Variants in TMEM74 observed in about 807,000 individuals in gnomAD.
TMEM74 encodes transmembrane protein 74.
TMEM74 carries 13 observed loss-of-function variants against 18.1 expected under a neutral mutation model. That is an observed-to-expected ratio of 0.72 (90% CI 0.47 to 1.14). The LOEUF (loss-of-function observed/expected upper bound fraction) is 1.14. TMEM74 is among the 50% of genes most tolerant of loss of function. The pLI is 0.00. For synonymous variants in TMEM74, 159 were observed against 146.6 expected (o/e 1.08, Z -0.61); for missense variants, 372 against 375.9 (o/e 0.99, Z 0.09).
At chr8:108,732,628 A>G (rs1813707671) in intron 1 of TMEM74, among the ~76,000 whole-genome samples, 1 of 152,124 alleles carries the variant, frequency 6.6e-6, no homozygotes, top group South Asian at 2.1e-4. Flanking sequence ...CAATTCAATG[A>G]GGGGAGGAAA....
At chr8:108,776,651 G>A (rs1814236271), downstream of TMEM74, among the ~76,000 whole-genome samples, 1 of 152,120 alleles carries the variant, frequency 6.6e-6, no homozygotes, top group African/African-American at 2.4e-5. Flanking sequence ...CGTTCATGAA[G>A]GGAGATGTAA....
intron 1 of TMEM74, among the ~76,000 whole-genome samples, chr8:108,677,106 T>G (rs1427061606): frequency 6.6e-6 from 1 of 152,208 alleles, no homozygotes; most frequent in East Asian, 1.9e-4. Flanking sequence ...CTCCAACATC[T>G]CACTTTCCTA....
chr8:108,664,213 G>A (rs994291877), intron 1 of TMEM74, among the ~76,000 whole-genome samples: 8 of 152,070 alleles, frequency 5.3e-5, no homozygotes, highest in African/African-American at 1.9e-4. Context: ...CATTCCTTTG[G>A]GCAGTTTGGC....
chr8:108,639,769 C>T (rs578145240), intron 2 of TMEM74, among the ~76,000 whole-genome samples: 1 of 152,136 alleles, frequency 6.6e-6, no homozygotes, highest in Non-Finnish European at 1.5e-5. Context: ...TTGGTCCCTA[C>T]GTATTACAGG....
In TMEM74 at chr8:108,756,984, C is replaced by T. The variant is rs187845704; in HGVS notation, n.119+30492G>A. Among the ~76,000 whole-genome samples, 313 of 152,166 alleles carry T rather than the reference C, an allele frequency of 2.1e-3. 2 individuals are homozygous for T. The highest frequency in any genetic ancestry group is 7.1e-3 in the African/African-American group (294 of 41,532). On this transcript the variant is annotated intron_variant and non_coding_transcript_variant, in intron 1 of 3. Coordinates refer to the TMEM74 transcript ENST00000518838. ...TAACTTCTGATGTTGTGGTGCCAAT[C>T]CTGATTATTTTTCTCAATAGACATC...
intron 1 of TMEM74, among the ~76,000 whole-genome samples, chr8:108,657,883 T>TATATTAATTAC (rs1554630305): frequency 1.9e-4 from 22 of 113,790 alleles, no homozygotes; most frequent in East Asian, 9.4e-4. Context: ...TATATATATA[T>TATATTAATTAC]ATATATATAT....
intron 1 of TMEM74, among the ~76,000 whole-genome samples, chr8:108,721,515 C>T (rs190234525): frequency 2.9e-4 from 44 of 152,336 alleles, no homozygotes; most frequent in East Asian, 1.3e-3. Flanking sequence ...TTTTCTCACT[C>T]GGGATTTGGG....
intron 1 of TMEM74, among the ~76,000 whole-genome samples, chr8:108,768,834 C>T (rs1814139400): frequency 6.6e-6 from 1 of 152,186 alleles, no homozygotes; most frequent in Non-Finnish European, 1.5e-5. Flanking sequence ...CCAAGTAGAC[C>T]TCAGTAGAAG....
intron 2 of TMEM74, among the ~76,000 whole-genome samples, chr8:108,621,855 A>C (rs1812443469): frequency 6.6e-6 from 1 of 152,132 alleles, no homozygotes; most frequent in South Asian, 2.1e-4. Flanking sequence ...CAATTTTGAA[A>C]GTGAATACGC....
rs1563745188 is a variant in TMEM74 at position 108,670,034 on chromosome 8, T to TA, written n.120-14598_120-14597insT. ...GCCTGGATGACAGAGTAAGATTCTGTGAAAAAAAAAAAAAAAAAAAAAAGG... is the reference window on the plus strand; with the variant it reads ...GCCTGGATGACAGAGTAAGATTCTGTAGAAAAAAAAAAAAAAAAAAAAAAGG... On this transcript the variant is annotated intron_variant and non_coding_transcript_variant, in intron 1 of 3. Transcript: ENST00000518838. 6.6e-3 allele frequency among the ~76,000 whole-genome samples: 746 copies of TA among 113,864 alleles called. 40 individuals are homozygous for TA. The highest frequency in any genetic ancestry group is 0.014 in the African/African-American group (413 of 29,242). 74.7% of individuals were successfully genotyped at this position (113,864 alleles called of 152,430 possible). A position where few individuals can be genotyped will look rare whatever the true frequency, so the allele number is the denominator to read the frequency against.
chr8:108,739,677 T>A (rs528499854), intron 1 of TMEM74, among the ~76,000 whole-genome samples: 1 of 152,270 alleles, frequency 6.6e-6, no homozygotes, highest in South Asian at 2.1e-4. Context: ...TGTCAGAAGA[T>A]GAATAAGGCT....
intron 1 of TMEM74, among the ~76,000 whole-genome samples, chr8:108,673,148 A>G (rs1361518132): frequency 3.3e-5 from 5 of 152,238 alleles, no homozygotes; most frequent in Non-Finnish European, 5.9e-5. Context: ...AAGTAATAGC[A>G]TGGCTAACTC....
At position 108,629,163 on chromosome 8, in the gene TMEM74, C is replaced by T. The variant is rs1812525598; in HGVS notation, n.265-20337G>A. ...ATTGACCTGATGGAGCTGAAAAACA[C>T]AGCACGAGAACTTCATAAAGCATAC... On this transcript the variant is annotated intron_variant and non_coding_transcript_variant, in intron 2 of 3. Transcript: ENST00000518838. Among the ~76,000 whole-genome samples, 4 of 152,054 alleles carry T rather than the reference C, an allele frequency of 2.6e-5. No homozygotes were observed. In the South Asian group the frequency reaches 8.3e-4, roughly 32 times the overall value.
intron 1 of TMEM74, among the ~76,000 whole-genome samples, chr8:108,708,126 A>G (rs1009121147): frequency 1.3e-5 from 2 of 152,032 alleles, no homozygotes; most frequent in Non-Finnish European, 1.5e-5. Context: ...AACATGCAGT[A>G]TTTGGTTTTC....
intron 1 of TMEM74, among the ~76,000 whole-genome samples, chr8:108,687,508 C>T (rs562409958): frequency 4.6e-5 from 7 of 152,162 alleles, no homozygotes; most frequent in African/African-American, 1.2e-4. Context: ...AAGCACATTA[C>T]GCTCGTTGTT....
intron 2 of TMEM74, among the ~76,000 whole-genome samples, chr8:108,613,545 A>AT (rs1812355616): frequency 6.6e-6 from 1 of 152,180 alleles, no homozygotes; most frequent in Non-Finnish European, 1.5e-5. Flanking sequence ...AAATCCACGT[A>AT]TTTTTTTATT....
At chr8:108,749,345 T>C (rs1813882350) in intron 1 of TMEM74, among the ~76,000 whole-genome samples, 1 of 152,206 alleles carries the variant, frequency 6.6e-6, no homozygotes, top group Non-Finnish European at 1.5e-5. Context: ...TGGTTTGTAG[T>C]TCTCCTTGAA....
At chr8:108,629,773 C>G (rs1056864011) in intron 2 of TMEM74, among the ~76,000 whole-genome samples, 19 of 151,928 alleles carry the variant, frequency 1.3e-4, no homozygotes, top group Non-Finnish European at 2.6e-4. Flanking sequence ...CCTTTCCAGA[C>G]AAGAAAATGC....
intron 1 of TMEM74, among the ~76,000 whole-genome samples, chr8:108,672,540 G>C (rs1291195940): frequency 6.6e-6 from 1 of 152,164 alleles, no homozygotes; most frequent in Non-Finnish European, 1.5e-5. Flanking sequence ...TTCTGGGGTT[G>C]TCAGTCCCCG....
Sources: gnomAD v4.1 joint callset for allele counts (sites outside exome capture counted in the v4.1 genomes callset) on GRCh38, gnomAD v4.1.1 for gene constraint, MANE v1.5 for transcripts, NCBI Gene and HGNC (gene_info 2026-07-23, HGNC 2026-07-21) for gene names.